The following SUGCT variants were observed in gnomAD, a reference collection of about 807,000 sequenced individuals.
The protein encoded by SUGCT is succinyl-CoA:glutarate CoA-transferase.
Under a neutral mutation model 55.0 loss-of-function variants are expected in SUGCT, and 41 were observed. The ratio of observed to expected loss-of-function variants is 0.74; its 90% confidence interval spans 0.58 to 0.97. The LOEUF (loss-of-function observed/expected upper bound fraction) is 0.97. Among genes scored for constraint, SUGCT ranks in the 50% least tolerant of loss-of-function variants. SUGCT has a pLI of 0.00. For missense variants in SUGCT, 568 were observed against 547.8 expected (o/e 1.04, Z -0.37); for synonymous variants, 187 against 200.4 (o/e 0.93, Z 0.56).
chr7:40,689,499 C>G (rs1400125086), intron 12 of SUGCT, among the ~76,000 whole-genome samples: 1 of 152,140 alleles, frequency 6.6e-6, no homozygotes, highest in Non-Finnish European at 1.5e-5. Flanking sequence ...ACATAATCCT[C>G]TCAGATTTCA....
rs918407750 is a variant in SUGCT, at chr7:40,448,712, C to A, written c.817-575C>A. 2.0e-5 allele frequency among the ~76,000 whole-genome samples: 3 copies of A among 152,036 alleles called. 1 individual carries two copies. Among genetic ancestry groups the A allele is most frequent in the Non-Finnish European group, 2.9e-5 (2 of 68,006 alleles). On this transcript the variant is annotated intron_variant, in intron 9 of 13. Transcript: ENST00000335693. Reference sequence around the variant, plus strand: ...AGTACAAAATTAGCTGGGCATGATGCCATGCACCTGTAGTCCCAGATACAC... The same window carrying A: ...AGTACAAAATTAGCTGGGCATGATGACATGCACCTGTAGTCCCAGATACAC...
intron 12 of SUGCT, among the ~76,000 whole-genome samples, chr7:40,586,000 T>C (rs1797357093): frequency 6.6e-6 from 1 of 152,148 alleles, no homozygotes; most frequent in Admixed American, 6.5e-5. Flanking sequence ...TTTCAATGAC[T>C]TATTATTTTT....
At chr7:40,411,010 A>C (rs928192294) in intron 9 of SUGCT, among the ~76,000 whole-genome samples, 3 of 152,174 alleles carry the variant, frequency 2.0e-5, no homozygotes, top group African/African-American at 7.2e-5. Flanking sequence ...TCATCTTGGT[A>C]ATTTTGTTAC....
intron 12 of SUGCT, among the ~76,000 whole-genome samples, chr7:40,612,666 A>T (rs1166560039): frequency 6.6e-6 from 1 of 152,236 alleles, no homozygotes; most frequent in Non-Finnish European, 1.5e-5. Flanking sequence ...GTATAGTGGG[A>T]ATAATTACAG....
chr7:40,550,501 GT>G (rs1272391504), intron 12 of SUGCT, among the ~76,000 whole-genome samples: 1 of 152,168 alleles, frequency 6.6e-6, no homozygotes, highest in Non-Finnish European at 1.5e-5. Flanking sequence ...ATCAAGAACT[GT>G]TTATGCCTGC....
At chr7:40,666,355 A>AAAGAAAGGAAGGAAGG (rs1554398405) in intron 12 of SUGCT, among the ~76,000 whole-genome samples, 14 of 121,850 alleles carry the variant, frequency 1.1e-4, no homozygotes, top group Admixed American at 1.1e-3. Context: ...CTCAAGAAAG[A>AAAGAAAGGAAGGAAGG]AAGGAAGGAA....
intron 12 of SUGCT, among the ~76,000 whole-genome samples, chr7:40,507,182 G>A (rs895152853): frequency 1.3e-5 from 2 of 152,082 alleles, no homozygotes; most frequent in African/African-American, 4.8e-5. Context: ...GACCTTTAAG[G>A]TTGTTTTGTT....
chr7:40,636,094 C>G (rs543012323), intron 12 of SUGCT, among the ~76,000 whole-genome samples: 1 of 152,294 alleles, frequency 6.6e-6, no homozygotes, highest in African/African-American at 2.4e-5. Flanking sequence ...AACAAACTAC[C>G]CCTACATTTT....
In SUGCT at chr7:40,794,791, C is replaced by T. The variant is rs537526216; in HGVS notation, c.1153+45294C>T. 5.3e-5 allele frequency among the ~76,000 whole-genome samples: 8 copies of T among 152,032 alleles called. No individual in the cohort carries two copies. In the South Asian group the frequency reaches 6.2e-4, roughly 12 times the overall value. On this transcript the variant is annotated intron_variant, in intron 13 of 13. Coordinates refer to ENST00000335693, the MANE Select transcript of SUGCT (RefSeq NM_001193313.2). ...ATCCTAACATTTTTTTAATGTCCTG[C>T]GTCGAGAAGATATTTTCAGGATAGT...
At chr7:40,867,133 TA>T in the SUGCT span, among the ~76,000 whole-genome samples, 1 of 89,586 alleles carries the variant, frequency 1.1e-5, no homozygotes, top group Admixed American at 1.2e-4. Flanking sequence ...TATATATATA[TA>T]ATAAGATTAA....
intron 8 of SUGCT, among the ~76,000 whole-genome samples, chr7:40,301,560 G>GAGAT (rs1244266318): frequency 2.0e-5 from 3 of 152,194 alleles, no homozygotes; most frequent in Non-Finnish European, 4.4e-5. Flanking sequence ...GAACTCCCAT[G>GAGAT]AGATAGATCA....
At chr7:41,033,641 G>A in the SUGCT span, among the ~76,000 whole-genome samples, 2 of 152,132 alleles carry the variant, frequency 1.3e-5, no homozygotes, top group Admixed American at 6.5e-5. Flanking sequence ...GCACATGCAG[G>A]AATTTCCAGG....
chr7:40,521,486 TC>T (rs1445300237), intron 12 of SUGCT, among the ~76,000 whole-genome samples: 1 of 152,076 alleles, frequency 6.6e-6, no homozygotes, highest in Non-Finnish European at 1.5e-5. Context: ...TTCAGACACT[TC>T]AAGAAAGAAG....
rs147322522 is a variant in SUGCT at position 40,554,420 on chromosome 7, C to T, written c.1089+58034C>T. ...TTTAAGCTAAAAGTGTGATTGCATG[C>T]ATTTGTCTTAAAGACAACTGGAATC... On this transcript the variant is annotated intron_variant, in intron 12 of 13. Transcript: ENST00000335693. Among the ~76,000 whole-genome samples the T allele has an allele frequency of 5.8e-4, 88 of 152,282 alleles. 1 individual carries two copies. Among genetic ancestry groups the T allele is most frequent in the African/African-American group, 2.0e-3 (83 of 41,562 alleles).
chr7:40,669,893 A>T (rs1584246070), intron 12 of SUGCT, among the ~76,000 whole-genome samples: 1 of 151,994 alleles, frequency 6.6e-6, no homozygotes, highest in Admixed American at 6.6e-5. Flanking sequence ...AAATTTGATG[A>T]AAAGCTCACC....
chr7:40,321,505 C>T (rs1285473814), intron 9 of SUGCT, among the ~76,000 whole-genome samples: 1 of 152,132 alleles, frequency 6.6e-6, no homozygotes, highest in South Asian at 2.1e-4. Flanking sequence ...GACTCAGCCT[C>T]CCGAGTAGCT....
At chr7:40,402,175 A>G (rs887814933) in intron 9 of SUGCT, among the ~76,000 whole-genome samples, 2 of 152,052 alleles carry the variant, frequency 1.3e-5, no homozygotes, top group African/African-American at 4.8e-5. Flanking sequence ...TGGAAACTAG[A>G]TATCTTACCA....
At chr7:40,744,488 A>C (rs1787629818) in intron 12 of SUGCT, among the ~76,000 whole-genome samples, 1 of 152,108 alleles carries the variant, frequency 6.6e-6, no homozygotes, top group Non-Finnish European at 1.5e-5. Flanking sequence ...TAGTTATTTT[A>C]ATGGTAAATC....
chr7:40,709,071 G>A (rs1248659328), intron 12 of SUGCT, among the ~76,000 whole-genome samples: 1 of 152,190 alleles, frequency 6.6e-6, no homozygotes, highest in Admixed American at 6.5e-5. Context: ...TGTACAATAA[G>A]TATCTCTTAT....
Sources: gnomAD v4.1 joint callset for allele counts (sites outside exome capture counted in the v4.1 genomes callset) on GRCh38, gnomAD v4.1.1 for gene constraint, MANE v1.5 for transcripts, NCBI Gene and HGNC (gene_info 2026-07-23, HGNC 2026-07-21) for gene names.